The following SPAG17 variants were observed in gnomAD, a reference collection of about 807,000 sequenced individuals.
The protein encoded by SPAG17 is sperm-associated antigen 17.
Under a neutral mutation model 273.6 loss-of-function variants are expected in SPAG17, and 169 were observed. The ratio of observed to expected loss-of-function variants is 0.62; its 90% confidence interval spans 0.55 to 0.70. The LOEUF (loss-of-function observed/expected upper bound fraction) is 0.70. Among genes scored for constraint, SPAG17 ranks in the 30% least tolerant of loss-of-function variants. The pLI, the probability that SPAG17 is intolerant of heterozygous loss-of-function variation, is 0.00. For missense variants in SPAG17, 2,557 were observed against 2,627.8 expected, an observed-to-expected ratio of 0.97 and a Z score of 0.59; for synonymous variants, 825 against 873.2, an observed-to-expected ratio of 0.94 and a Z score of 0.97.
At chr1:117,985,982 T>C (rs1343924798) in intron 40 of SPAG17, among the ~76,000 whole-genome samples, 1 of 152,182 alleles carries the variant, frequency 6.6e-6, no homozygotes, top group African/African-American at 2.4e-5. Flanking sequence ...CTTAGATATT[T>C]GGCAGTCCAA....
intron 17 of SPAG17, among the ~76,000 whole-genome samples, chr1:118,072,614 A>T (rs528451987): frequency 8.5e-5 from 13 of 152,372 alleles, no homozygotes; most frequent in Admixed American, 7.8e-4. Flanking sequence ...AAAAGAGGCA[A>T]TTATTAACTG....
chr1:117,992,361 G>C, intron 36 of SPAG17, 105 bp downstream of exon 36: 1 of 1,145,038 alleles, frequency 8.7e-7, no homozygotes, highest in South Asian at 1.7e-5. Flanking sequence ...TGTTGCACTA[G>C]ACAAATATTG....
intron 18 of SPAG17, among the ~76,000 whole-genome samples, chr1:118,057,424 C>G (rs1415497525): frequency 6.6e-6 from 1 of 152,070 alleles, no homozygotes; most frequent in Admixed American, 6.6e-5. Context: ...CATGTCTTTC[C>G]TCTGCTCAGA....
rs573577403 is a variant in SPAG17 at position 118,146,448 on chromosome 1, A to G, written c.315+4095T>C. Among the ~76,000 whole-genome samples the G allele has an allele frequency of 4.3e-4, 66 of 152,288 alleles. No individual in the cohort carries two copies. The Middle Eastern group carries it at 0.01, about 24-fold the overall frequency. On this transcript the variant is annotated intron_variant, in intron 3 of 48. Coordinates refer to ENST00000336338, the MANE Select transcript of SPAG17 (RefSeq NM_206996.4). ...GTTCAGGCATGAATCTAAACCATGTACTTTTTCCAGTGTTTGAAATGTTTC... is the reference window on the plus strand; with the variant it reads ...GTTCAGGCATGAATCTAAACCATGTGCTTTTTCCAGTGTTTGAAATGTTTC...
intron 4 of SPAG17, among the ~76,000 whole-genome samples, chr1:118,110,468 G>A (rs373733859): frequency 3.0e-4 from 45 of 152,252 alleles, no homozygotes; most frequent in African/African-American, 1.0e-3. Flanking sequence ...AAAGACTTTA[G>A]TACTAGATCA....
At chr1:118,034,643 T>C (rs888443792) in intron 24 of SPAG17, among the ~76,000 whole-genome samples, 2 of 152,154 alleles carry the variant, frequency 1.3e-5, no homozygotes, top group African/African-American at 4.8e-5. Context: ...TTCTGAGTAG[T>C]GGTACAGCAT....
intron 20 of SPAG17, among the ~76,000 whole-genome samples, chr1:118,049,914 T>G (rs113481602): frequency 6.6e-6 from 1 of 152,110 alleles, no homozygotes; most frequent in Non-Finnish European, 1.5e-5. Flanking sequence ...GAAGGAGGCA[T>G]CTCCCAATAG....
Position 118,146,981 on chromosome 1 carries a change from C to T in SPAG17, c.315+3562G>A, listed in dbSNP as rs554029822. Among the ~76,000 whole-genome samples, 14 of 152,308 alleles carry T rather than the reference C, an allele frequency of 9.2e-5. No homozygotes were observed. In the South Asian group the frequency reaches 2.7e-3, roughly 29 times the overall value. On this transcript the variant is annotated intron_variant, in intron 3 of 48. Transcript: ENST00000336338. Reference sequence around the variant, plus strand: ...CACCCCTCCCTGCCAACTACCCCAGCTAATGATAATCTCATCTTCCTTTGA... The same window carrying T: ...CACCCCTCCCTGCCAACTACCCCAGTTAATGATAATCTCATCTTCCTTTGA...
chr1:118,129,099 T>C (rs536547363), intron 3 of SPAG17, among the ~76,000 whole-genome samples: 1 of 152,338 alleles, frequency 6.6e-6, no homozygotes, highest in South Asian at 2.1e-4. Context: ...CTGAAGCTCC[T>C]ACACAGATGA....
At chr1:117,986,215 C>A (rs530718135) in intron 40 of SPAG17, among the ~76,000 whole-genome samples, 1 of 152,324 alleles carries the variant, frequency 6.6e-6, no homozygotes, top group Non-Finnish European at 1.5e-5. Context: ...AGTTTCTTAT[C>A]TCTACTGCCT....
intron 13 of SPAG17, among the ~76,000 whole-genome samples, chr1:118,083,500 A>G (rs943432074): frequency 2.0e-5 from 3 of 151,988 alleles, no homozygotes; most frequent in Non-Finnish European, 4.4e-5. Context: ...GAAAACAGAG[A>G]CAGCGGTGGG....
chr1:118,076,573 T>G (rs1315691124), intron 15 of SPAG17: 2 of 152,132 alleles, frequency 1.3e-5, no homozygotes, highest in Non-Finnish European at 2.9e-5. Context: ...TCTGCCAGAT[T>G]TCCGGGAGAT....
chr1:118,040,308 G>A (rs1372257662), intron 22 of SPAG17, among the ~76,000 whole-genome samples: 1 of 152,120 alleles, frequency 6.6e-6, no homozygotes, highest in African/African-American at 2.4e-5. Flanking sequence ...AGCTACAATA[G>A]GTGGATATTG....
At chr1:118,006,972 T>C (rs2101746721) in intron 31 of SPAG17, among the ~76,000 whole-genome samples, 1 of 152,326 alleles carries the variant, frequency 6.6e-6, no homozygotes, top group East Asian at 1.9e-4. Flanking sequence ...TGTTGAGTTA[T>C]GAGAGTTCTA....
At chr1:118,093,070 C>T (rs548376576) in intron 8 of SPAG17, 86 bp downstream of exon 8, 1 of 1,414,458 alleles carries the variant, frequency 7.1e-7, no homozygotes, top group South Asian at 1.4e-5. Context: ...ATTTATGTAA[C>T]TTTTTCTTCA....
chr1:117,989,300 C>T (rs1457497080), intron 38 of SPAG17, among the ~76,000 whole-genome samples: 1 of 152,128 alleles, frequency 6.6e-6, no homozygotes, highest in South Asian at 2.1e-4. Context: ...GTGCGGTCAT[C>T]TGCTTCTGGT....
In SPAG17 at chr1:118,124,667, C is replaced by T. The variant is rs143690986; in HGVS notation, c.316-9226G>A. Among the ~76,000 whole-genome samples the T allele has an allele frequency of 2.5e-3, 380 of 152,300 alleles. 5 individuals carry two copies. The highest frequency in any genetic ancestry group is 8.6e-3 in the African/African-American group (359 of 41,576). ...CACACACCCTGTGCTGGACAAGGAC[C>T]GTTCCAGGCACTTCACATATTCCAA... On this transcript the variant is annotated intron_variant, in intron 3 of 48. Coordinates refer to ENST00000336338, the MANE Select transcript of SPAG17 (RefSeq NM_206996.4).
rs1462356049 is a variant in SPAG17, at chr1:118,016,160, T to C, written c.4092A>G (p.Ser1364=). The C allele has an allele frequency of 1.2e-6, 2 of 1,613,110 alleles. No individual in the cohort carries two copies. Among genetic ancestry groups the C allele is most frequent in the South Asian group, 1.1e-5 (1 of 90,966 alleles). ...TKKGKSHKSQ[S]SMAHKGEIHD... ...GGATTTCACCCTTATGGGCCATTGA[T>C]GACTGACTTTTGTGACTTTTTCCTG... The change falls in exon 29 of 49, where the codon TCA becomes TCG. Residue 1364 remains serine (S), a synonymous_variant. Coordinates refer to ENST00000336338, the MANE Select transcript of SPAG17 (RefSeq NM_206996.4).
chr1:118,062,366 C>CAAAAAAAAA (rs56029752), intron 18 of SPAG17, among the ~76,000 whole-genome samples: 16,771 of 45,302 alleles, frequency 0.37, 3,246 homozygotes, highest in Non-Finnish European at 0.44. Flanking sequence ...GACTCCATCT[C>CAAAAAAAAA]AAAAAAAAAA....
Sources: allele counts gnomAD v4.1 joint callset (sites outside exome capture counted in the v4.1 genomes callset), GRCh38; gene constraint gnomAD v4.1.1; transcripts MANE v1.5; gene names NCBI Gene and HGNC (gene_info 2026-07-23, HGNC 2026-07-21).